The following ZMAT4 variants were observed in gnomAD, a reference collection of about 807,000 sequenced individuals.
ZMAT4 encodes zinc finger matrin-type 4.
In ZMAT4, 17 loss-of-function variants were observed where a neutral mutation model predicts 28.7. The observed-to-expected ratio is 0.59, with a 90% CI of 0.41 to 0.89. The LOEUF is 0.89. Ranked by LOEUF, ZMAT4 falls within the 40% of genes least tolerant of loss-of-function variation. The pLI is 0.00. For missense variants in ZMAT4, 240 were observed against 283.8 expected, an observed-to-expected ratio of 0.85 and a Z score of 1.11; for synonymous variants, 117 against 109.2, an observed-to-expected ratio of 1.07 and a Z score of -0.44.
chr8:40,757,466 G>C (rs912919594), intron 3 of ZMAT4, among the ~76,000 whole-genome samples: 1 of 151,846 alleles, frequency 6.6e-6, no homozygotes. Flanking sequence ...CGTGCCTGTA[G>C]TCCCAACTAC....
chr8:40,821,077 T>G (rs1015663343), intron 2 of ZMAT4, among the ~76,000 whole-genome samples: 79 of 147,978 alleles, frequency 5.3e-4, no homozygotes, highest in African/African-American at 1.8e-3. Context: ...TGGGGATGGG[T>G]GTGTGTGTAT....
intron 5 of ZMAT4, among the ~76,000 whole-genome samples, chr8:40,598,126 T>TA (rs1472977836): frequency 1.3e-5 from 2 of 152,246 alleles, no homozygotes; most frequent in Non-Finnish European, 2.9e-5. Flanking sequence ...TTCTTTTTCA[T>TA]ACGTCAATAT....
intron 6 of ZMAT4, among the ~76,000 whole-genome samples, chr8:40,541,159 C>T (rs1803015375): frequency 6.6e-6 from 1 of 152,038 alleles, no homozygotes; most frequent in Admixed American, 6.6e-5. Flanking sequence ...TAAATGTGAT[C>T]TATTATTTAT....
At chr8:40,644,927 A>C (rs938941112) in intron 5 of ZMAT4, among the ~76,000 whole-genome samples, 36 of 152,216 alleles carry the variant, frequency 2.4e-4, no homozygotes, top group Non-Finnish European at 4.4e-4. Flanking sequence ...CATTCTCCAA[A>C]ATATCTGACC....
At position 40,640,590 on chromosome 8, in the gene ZMAT4, A is replaced by G. The variant is rs1806975059; in HGVS notation, c.577+34114T>C. 2.0e-5 allele frequency among the ~76,000 whole-genome samples: 3 copies of G among 152,028 alleles called. No individual in the cohort carries two copies. In the South Asian group the frequency reaches 6.2e-4, roughly 32 times the overall value. ...GAAACTTGCCTTGATAGTTCTGGAAAGTTCTGGGAAGATCTTGGGATAGTT... is the reference window on the plus strand; with the variant it reads ...GAAACTTGCCTTGATAGTTCTGGAAGGTTCTGGGAAGATCTTGGGATAGTT... On this transcript the variant is annotated intron_variant, in intron 5 of 6. Transcript: ENST00000297737.
intron 5 of ZMAT4, among the ~76,000 whole-genome samples, chr8:40,664,653 C>A (rs1808330429): frequency 6.6e-6 from 1 of 152,166 alleles, no homozygotes; most frequent in Non-Finnish European, 1.5e-5. Flanking sequence ...AACCTCAAGG[C>A]AGAATCACTG....
At chr8:40,610,198 C>T (rs571744767) in intron 5 of ZMAT4, among the ~76,000 whole-genome samples, 1 of 152,288 alleles carries the variant, frequency 6.6e-6, no homozygotes, top group South Asian at 2.1e-4. Flanking sequence ...GAAAAGCTTT[C>T]GTTTATATAA....
chr8:40,686,488 G>C (rs1002199700), intron 4 of ZMAT4, among the ~76,000 whole-genome samples: 4 of 151,940 alleles, frequency 2.6e-5, no homozygotes, highest in African/African-American at 9.7e-5. Flanking sequence ...TTGAAAATTA[G>C]CCTGGCATAG....
chr8:40,560,321 A>G (rs1803694041), intron 6 of ZMAT4, among the ~76,000 whole-genome samples: 2 of 151,954 alleles, frequency 1.3e-5, no homozygotes, highest in East Asian at 3.9e-4. Context: ...TTTCCATTAA[A>G]GCTCTGTAGT....
intron 2 of ZMAT4, among the ~76,000 whole-genome samples, chr8:40,812,360 T>G (rs1418224602): frequency 1.3e-5 from 2 of 152,164 alleles, no homozygotes; most frequent in Non-Finnish European, 2.9e-5. Context: ...CTCTGTGGTC[T>G]TACTCTCCAA....
At position 40,878,957 on chromosome 8, in the gene ZMAT4, T is replaced by C. The variant is rs116706480; in HGVS notation, c.-5+18726A>G. 4.3e-3 allele frequency among the ~76,000 whole-genome samples: 660 copies of C among 152,340 alleles called. 5 individuals carry two copies. The highest frequency in any genetic ancestry group is 0.015 in the African/African-American group (625 of 41,584). On this transcript the variant is annotated intron_variant, in intron 1 of 6. Transcript: ENST00000297737. ...ACAATTCTAAAGAAGAGAGGGCAGC[T>C]GATTTCCATTCTGGCTGTGGCTTTG...
intron 3 of ZMAT4, among the ~76,000 whole-genome samples, chr8:40,753,560 G>A (rs766635808): frequency 6.6e-6 from 1 of 152,142 alleles, no homozygotes; most frequent in Non-Finnish European, 1.5e-5. Context: ...ATCCTTGTAA[G>A]TTCTGTAAAC....
intron 6 of ZMAT4, among the ~76,000 whole-genome samples, chr8:40,554,375 TTAAC>T (rs758303793): frequency 3.3e-5 from 5 of 152,106 alleles, no homozygotes; most frequent in Non-Finnish European, 7.4e-5. Context: ...AATTAGTTAA[TTAAC>T]TACTAATTGG....
chr8:40,680,544 A>C (rs1483679355), intron 4 of ZMAT4, among the ~76,000 whole-genome samples: 1 of 152,100 alleles, frequency 6.6e-6, no homozygotes, highest in Non-Finnish European at 1.5e-5. Flanking sequence ...GGGCGTCATT[A>C]GCTGGGGAAG....
At chr8:40,661,771 C>T (rs1445507292) in intron 5 of ZMAT4, among the ~76,000 whole-genome samples, 2 of 152,136 alleles carry the variant, frequency 1.3e-5, no homozygotes, top group African/African-American at 4.8e-5. Context: ...TTCCTAGAAC[C>T]TTATGAAACC....
At chr8:40,586,652 C>A (rs937383885) in intron 5 of ZMAT4, among the ~76,000 whole-genome samples, 1 of 152,168 alleles carries the variant, frequency 6.6e-6, no homozygotes, top group Non-Finnish European at 1.5e-5. Flanking sequence ...CATGACTACT[C>A]AATATGTCTT....
rs1006082588 is a variant in ZMAT4, at chr8:40,709,607, A to G, written c.193-12206T>C. The stretch of plus-strand genomic sequence containing the variant: ...TTTGTATATCCAGCAAAGCTGACAT[A>G]TAAGTATAAAGGACCCAGTGAGAAA... On this transcript the variant is annotated intron_variant, in intron 3 of 6. Coordinates refer to ENST00000297737, the MANE Select transcript of ZMAT4 (RefSeq NM_024645.3). 1.6e-4 allele frequency among the ~76,000 whole-genome samples: 24 copies of G among 152,276 alleles called. 1 individual carries two copies. The highest frequency in any genetic ancestry group is 5.8e-4 in the African/African-American group (24 of 41,476).
chr8:40,666,176 A>C (rs1808406912), intron 5 of ZMAT4, among the ~76,000 whole-genome samples: 1 of 152,216 alleles, frequency 6.6e-6, no homozygotes, highest in Non-Finnish European at 1.5e-5. Flanking sequence ...TGGCAAGAAG[A>C]ATTTAATCTA....
At chr8:40,731,318 T>G (rs987445809) in intron 3 of ZMAT4, among the ~76,000 whole-genome samples, 4 of 152,018 alleles carry the variant, frequency 2.6e-5, no homozygotes, top group Non-Finnish European at 4.4e-5. Flanking sequence ...AGAAAATGAC[T>G]GCACATGCCC....
Sources: allele counts gnomAD v4.1 joint callset (sites outside exome capture counted in the v4.1 genomes callset), GRCh38; gene constraint gnomAD v4.1.1; transcripts MANE v1.5; gene names NCBI Gene and HGNC (gene_info 2026-07-23, HGNC 2026-07-21).